The following LHFPL3 variants were observed in gnomAD, a reference collection of about 807,000 sequenced individuals.
LHFPL3 encodes the protein LHFPL tetraspan subfamily member 3 protein.
A neutral mutation model predicts 19.3 loss-of-function variants in LHFPL3; 5 were observed. The ratio of observed to expected loss-of-function variants is 0.26; its 90% CI spans 0.14 to 0.54. The LOEUF is 0.54. Ranked by LOEUF, LHFPL3 falls within the 20% of genes least tolerant of loss-of-function variation. LHFPL3 has a pLI of 0.94. For synonymous variants in LHFPL3, 133 were observed against 126.2 expected (o/e 1.05, Z -0.36); for missense variants, 249 against 307.4 (o/e 0.81, Z 1.42).
chr7:104,433,946 T>C (rs905835543), intron 1 of LHFPL3, among the ~76,000 whole-genome samples: 3 of 152,226 alleles, frequency 2.0e-5, no homozygotes, highest in African/African-American at 4.8e-5. Context: ...TACATGCATA[T>C]ACTAATGTAA....
intron 1 of LHFPL3, among the ~76,000 whole-genome samples, chr7:104,598,415 A>T (rs1472324555): frequency 6.6e-6 from 1 of 152,218 alleles, no homozygotes; most frequent in Non-Finnish European, 1.5e-5. Flanking sequence ...TTATAACAGG[A>T]GGTGAAACAT....
chr7:104,505,528 C>T (rs1182657110), intron 1 of LHFPL3, among the ~76,000 whole-genome samples: 1 of 152,054 alleles, frequency 6.6e-6, no homozygotes, highest in African/African-American at 2.4e-5. Flanking sequence ...TGATAACGCA[C>T]TGGGTTTCAT....
chr7:104,695,903 C>G (rs550928933), intron 1 of LHFPL3, among the ~76,000 whole-genome samples: 2 of 152,186 alleles, frequency 1.3e-5, no homozygotes, highest in Admixed American at 1.3e-4. Flanking sequence ...ATGTGCATAC[C>G]CTTTGTCAGA....
intron 2 of LHFPL3, among the ~76,000 whole-genome samples, chr7:104,744,837 G>T (rs1794010135): frequency 6.6e-6 from 1 of 152,148 alleles, no homozygotes; most frequent in African/African-American, 2.4e-5. Flanking sequence ...TTCTGATGTG[G>T]TCTCCTTTGC....
intron 1 of LHFPL3, among the ~76,000 whole-genome samples, chr7:104,554,660 TAGATAGA>T (rs1794726392): frequency 1.3e-5 from 2 of 150,100 alleles, no homozygotes; most frequent in Non-Finnish European, 3.0e-5. Context: ...GATAGATAGA[TAGATAGA>T]TAGATAGATA....
At chr7:104,578,667 C>A (rs1223650550) in intron 1 of LHFPL3, among the ~76,000 whole-genome samples, 1 of 152,318 alleles carries the variant, frequency 6.6e-6, no homozygotes, top group Non-Finnish European at 1.5e-5. Context: ...CACCTGTGCA[C>A]CCACCCTACC....
Position 104,906,175 on chromosome 7 carries a change from C to T in LHFPL3, c.683-12C>T. On this transcript the variant is annotated splice_polypyrimidine_tract_variant and intron_variant, in intron 2 of 2. Coordinates refer to ENST00000424859, the MANE Select transcript of LHFPL3 (RefSeq NM_199000.3). The stretch of plus-strand genomic sequence containing the variant: ...CCACCCTTTTTCTCTCTCTTCCCTC[C>T]AATTTCTGCAGTTCTGCTAAGCCAA... 5.6e-6 allele frequency: 9 copies of T among 1,609,448 alleles called. No homozygotes were observed. Among genetic ancestry groups the T allele is most frequent in the Non-Finnish European group, 7.6e-6 (9 of 1,177,668 alleles).
chr7:104,336,981 G>C (rs192706350), intron 1 of LHFPL3, among the ~76,000 whole-genome samples: 1 of 152,242 alleles, frequency 6.6e-6, no homozygotes, highest in African/African-American at 2.4e-5. Flanking sequence ...TTTTGAAGGG[G>C]ATTCAACTTT....
chr7:104,498,434 G>C (rs1793531690), intron 1 of LHFPL3, among the ~76,000 whole-genome samples: 1 of 151,762 alleles, frequency 6.6e-6, no homozygotes, highest in South Asian at 2.1e-4. Flanking sequence ...TTAATCGCCA[G>C]TGAATTTCAG....
At chr7:104,563,380 C>A (rs529285383) in intron 1 of LHFPL3, among the ~76,000 whole-genome samples, 1 of 152,424 alleles carries the variant, frequency 6.6e-6, no homozygotes, top group East Asian at 1.9e-4. Flanking sequence ...GATATAATCT[C>A]GTGGTGCACC....
intron 2 of LHFPL3, among the ~76,000 whole-genome samples, chr7:104,795,269 G>A (rs1297349154): frequency 2.0e-5 from 3 of 152,094 alleles, no homozygotes; most frequent in East Asian, 1.9e-4. Context: ...TGCACATCAC[G>A]AGCTGCCACA....
intron 1 of LHFPL3, among the ~76,000 whole-genome samples, chr7:104,622,352 A>G (rs926342403): frequency 3.3e-5 from 5 of 152,176 alleles, no homozygotes; most frequent in Non-Finnish European, 7.4e-5. Context: ...GGCTCAAGCA[A>G]TCCGCTTGCC....
intron 1 of LHFPL3, among the ~76,000 whole-genome samples, chr7:104,674,889 G>A (rs1792562497): frequency 6.6e-6 from 1 of 152,094 alleles, no homozygotes; most frequent in African/African-American, 2.4e-5. Flanking sequence ...AAACTCAAGA[G>A]CAAAAGATAT....
At chr7:104,603,879 G>T (rs1199898593) in intron 1 of LHFPL3, among the ~76,000 whole-genome samples, 1 of 152,132 alleles carries the variant, frequency 6.6e-6, no homozygotes, top group East Asian at 2.0e-4. Context: ...AAGGCCTCAG[G>T]CAGCCCTGTC....
chr7:104,734,794 C>T (rs1244759363), intron 1 of LHFPL3, among the ~76,000 whole-genome samples: 1 of 152,206 alleles, frequency 6.6e-6, no homozygotes, highest in Non-Finnish European at 1.5e-5. Flanking sequence ...GAGAGGTGCT[C>T]TGATTTTTAG....
At chr7:104,733,626 G>C (rs1793745967) in intron 1 of LHFPL3, among the ~76,000 whole-genome samples, 2 of 152,136 alleles carry the variant, frequency 1.3e-5, no homozygotes, top group African/African-American at 4.8e-5. Context: ...CTCTGCACAT[G>C]AGATGGGTTT....
chr7:104,405,609 TC>T (rs1791398560), intron 1 of LHFPL3, among the ~76,000 whole-genome samples: 1 of 152,208 alleles, frequency 6.6e-6, no homozygotes, highest in Admixed American at 6.5e-5. Context: ...AAGTAAATTG[TC>T]CAACATCATA....
intron 2 of LHFPL3, among the ~76,000 whole-genome samples, chr7:104,834,342 A>G (rs1465648496): frequency 6.6e-6 from 1 of 151,924 alleles, no homozygotes; most frequent in African/African-American, 2.4e-5. Context: ...AAAGAAAAAA[A>G]AAAGGAATAA....
intron 1 of LHFPL3, among the ~76,000 whole-genome samples, chr7:104,446,485 A>G (rs1481411549): frequency 6.6e-6 from 1 of 152,222 alleles, no homozygotes; most frequent in Non-Finnish European, 1.5e-5. Context: ...TTTCTGTATC[A>G]ATAAACTCTC....
Sources: gnomAD v4.1 joint callset for allele counts (sites outside exome capture counted in the v4.1 genomes callset) on GRCh38, gnomAD v4.1.1 for gene constraint, MANE v1.5 for transcripts, NCBI Gene and HGNC (gene_info 2026-07-23, HGNC 2026-07-21) for gene names.